The following INTS13 variants were observed in gnomAD, a reference collection of about 807,000 sequenced individuals.
The protein encoded by INTS13 is integrator complex subunit 13.
In INTS13, 35 loss-of-function variants were observed where a neutral mutation model predicts 90.2. The observed-to-expected ratio is 0.39, with a 90% CI of 0.30 to 0.51. The LOEUF (loss-of-function observed/expected upper bound fraction) is 0.51. Among genes scored for constraint, INTS13 ranks in the 20% least tolerant of loss-of-function variants. INTS13 has a pLI of 0.80. For synonymous variants in INTS13, 309 were observed against 277.1 expected, an observed-to-expected ratio of 1.11 and a Z score of -1.14; for missense variants, 601 against 851.2, an observed-to-expected ratio of 0.71 and a Z score of 3.66.
intron 2 of INTS13, among the ~76,000 whole-genome samples, chr12:26,935,253 T>C (rs949030690): frequency 1.3e-5 from 2 of 152,150 alleles, no homozygotes; most frequent in Non-Finnish European, 2.9e-5. Context: ...AATTTGAAAA[T>C]TTAAAATTAC....
rs369292914 is a variant in INTS13 at position 26,936,906 on chromosome 12, A to C, written c.-11-92T>G. The C allele has an allele frequency of 1.1e-5, 9 of 812,104 alleles. 1 individual carries two copies. Among genetic ancestry groups the C allele is most frequent in the African/African-American group, 8.6e-5 (5 of 58,184 alleles). 50.3% of individuals were successfully genotyped at this position (812,104 alleles called of 1,614,324 possible). On this transcript the variant is annotated intron_variant, in intron 1 of 16. Coordinates refer to ENST00000261191, the MANE Select transcript of INTS13 (RefSeq NM_018164.3). Reference sequence around the variant, plus strand: ...CAAGAAGATTGTCTTTCCCTCAAGAAGACTTGGTAGGGAACATGAATAATA... The same window carrying C: ...CAAGAAGATTGTCTTTCCCTCAAGACGACTTGGTAGGGAACATGAATAATA...
At chr12:26,923,697 C>G (rs1345436263) in intron 7 of INTS13, among the ~76,000 whole-genome samples, 1 of 152,118 alleles carries the variant, frequency 6.6e-6, no homozygotes, top group African/African-American at 2.4e-5. Flanking sequence ...CCAGTAAAAT[C>G]ACAGAGCTCA....
Position 26,925,854 on chromosome 12 carries a change from T to G in INTS13, c.585-3A>C. On this transcript the variant is annotated splice_polypyrimidine_tract_variant and splice_region_variant and intron_variant, in intron 5 of 16. Transcript: ENST00000261191. Reference sequence around the variant, plus strand: ...CACATTTTTGAATCTGCATGAGACTTAAAGAGAAATTTTTGACTTAAAATT... The same window carrying G: ...CACATTTTTGAATCTGCATGAGACTGAAAGAGAAATTTTTGACTTAAAATT... 1 of 1,608,262 alleles carries G rather than the reference T, an allele frequency of 6.2e-7. No individual in the cohort carries two copies. The highest frequency in any genetic ancestry group is 1.1e-5 in the South Asian group (1 of 90,508).
intron 15 of INTS13, among the ~76,000 whole-genome samples, chr12:26,908,282 G>A (rs1013488811): frequency 2.6e-5 from 4 of 152,264 alleles, no homozygotes; most frequent in African/African-American, 9.6e-5. Flanking sequence ...AGACTGTTGT[G>A]TACCCTGATT....
chr12:26,924,298 C>A, intron 7 of INTS13, 57 bp downstream of exon 7: 1 of 1,582,868 alleles, frequency 6.3e-7, no homozygotes, highest in Non-Finnish European at 8.6e-7. Flanking sequence ...TGGCCTCAAA[C>A]AAATATTTAA....
intron 15 of INTS13, among the ~76,000 whole-genome samples, chr12:26,906,876 C>T (rs561448456): frequency 1.3e-5 from 2 of 152,312 alleles, no homozygotes; most frequent in African/African-American, 4.8e-5. Flanking sequence ...CACATGTGCA[C>T]AATATTTCTG....
rs749012717 is a variant in INTS13, at chr12:26,917,448, T to C, written c.980-7A>G. On this transcript the variant is annotated splice_region_variant and splice_polypyrimidine_tract_variant and intron_variant, in intron 9 of 16. Transcript: ENST00000261191. ...CCAGTACAATAGTGTAATTCTGAAA[T>C]AGAAGAAAACACTGATTTGAAAGAA... The C allele has an allele frequency of 4.1e-6, 6 of 1,467,442 alleles. No individual in the cohort carries two copies. The highest frequency in any genetic ancestry group is 2.3e-5 in the East Asian group (1 of 44,112). The allele number at this position is 1,467,442 out of a possible 1,614,324, so 90.9% of individuals were successfully genotyped here. A position where few individuals can be genotyped will look rare whatever the true frequency, so the allele number is the denominator to read the frequency against.
At chr12:26,907,895 G>A (rs1308288523) in intron 15 of INTS13, among the ~76,000 whole-genome samples, 1 of 152,042 alleles carries the variant, frequency 6.6e-6, no homozygotes, top group Non-Finnish European at 1.5e-5. Flanking sequence ...ATACCTTATA[G>A]GATGAAAAAC....
At chr12:26,932,101 A>AC (rs1555208505) in intron 3 of INTS13, among the ~76,000 whole-genome samples, 1 of 151,748 alleles carries the variant, frequency 6.6e-6, no homozygotes, top group African/African-American at 2.4e-5. Context: ...AAAAAAAAAA[A>AC]AAAACACTCA....
intron 1 of INTS13, among the ~76,000 whole-genome samples, chr12:26,937,174 C>T (rs575232630): frequency 1.4e-4 from 21 of 152,222 alleles, no homozygotes; most frequent in Middle Eastern, 3.2e-3. Context: ...TGAAATACAA[C>T]TTTATGATCC....
chr12:26,923,086 C>G (rs1292280784), intron 7 of INTS13, among the ~76,000 whole-genome samples: 1 of 151,926 alleles, frequency 6.6e-6, no homozygotes, highest in African/African-American at 2.4e-5. Context: ...GAGGAAATAG[C>G]ATCTTTAAAT....
chr12:26,934,753 T>C, intron 2 of INTS13, 123 bp from the exon 3 acceptor site: 1 of 798,270 alleles, frequency 1.3e-6, no homozygotes, highest in South Asian at 1.6e-5. Flanking sequence ...CTTTTTATAG[T>C]TACAGAATGT....
At chr12:26,926,726 G>C (rs1937896184) in intron 5 of INTS13, among the ~76,000 whole-genome samples, 3 of 152,138 alleles carry the variant, frequency 2.0e-5, no homozygotes, top group African/African-American at 7.2e-5. Flanking sequence ...CTAATATTTG[G>C]TTTCTGACCC....
At chr12:26,906,262 G>A (rs771043579) in intron 16 of INTS13, 40 bp downstream of exon 16, 1 of 1,559,614 alleles carries the variant, frequency 6.4e-7, no homozygotes, top group Admixed American at 1.9e-5. Flanking sequence ...TACTATACAG[G>A]CAATTGACAA....
rs1951977787 is a variant in INTS13 at position 26,917,683 on chromosome 12, T to C, written c.940A>G (p.Ile314Val). Residue 314 changes from isoleucine (I) to valine (V), a missense_variant, in exon 9 of 17, where the codon ATA becomes GTA. Coordinates refer to ENST00000261191, the MANE Select transcript of INTS13 (RefSeq NM_018164.3). ...GSREGSFKETITLKWCTPRTN... is the reference protein window; with the variant it reads ...GSREGSFKETVTLKWCTPRTN... ...CTTGGTGTACACCACTTTAATGTTA[T>C]TGTTTCTTTAAACGAGCCTTCTCGA... is the stretch of plus-strand genomic sequence containing the variant. 3.7e-6 allele frequency: 6 copies of C among 1,613,994 alleles called. No homozygotes were observed. The highest frequency in any genetic ancestry group is 1.3e-5 in the African/African-American group (1 of 74,934).
chr12:26,928,168 C>T (rs780722602), intron 5 of INTS13, 37 bp downstream of exon 5: 11 of 1,433,940 alleles, frequency 7.7e-6, no homozygotes, highest in Admixed American at 6.7e-5. Context: ...TATCTATCCA[C>T]ATGAACATAT....
At chr12:26,917,122 A>G (rs997759093) in intron 10 of INTS13, among the ~76,000 whole-genome samples, 1 of 152,130 alleles carries the variant, frequency 6.6e-6, no homozygotes, top group Non-Finnish European at 1.5e-5. Flanking sequence ...AATAGCCTGA[A>G]AGCCAAACCT....
intron 15 of INTS13, among the ~76,000 whole-genome samples, chr12:26,908,372 C>A (rs1424549756): frequency 1.3e-5 from 2 of 152,060 alleles, no homozygotes; most frequent in Non-Finnish European, 2.9e-5. Context: ...TTTTAAAATT[C>A]TTAGTTTTCT....
In INTS13 at chr12:26,914,100, T is replaced by C. The variant is rs763180924; in HGVS notation, c.1448A>G (p.Lys483Arg). 3 of 1,606,668 alleles carry C rather than the reference T, an allele frequency of 1.9e-6. No individual in the cohort carries two copies. Among genetic ancestry groups the C allele is most frequent in the South Asian group, 1.1e-5 (1 of 89,042 alleles). The change falls in exon 13 of 17, where the codon AAA becomes AGA. Residue 483 changes from lysine (K) to arginine (R), a missense_variant. Lys to Arg is a conservative substitution (Grantham distance 26, BLOSUM62 2). This residue lies in a region of INTS13 where 228 missense variants were observed against 272.5 expected (regional missense o/e 0.84). Transcript: ENST00000261191. ...CACATCTTCTTCTGTCAGAGATTCT[T>C]TCACAATAACACTGGCTAATGGAAC... The part of the protein sequence containing the change: ...AVVPLASVIV[K>R]ESLTEEDVLN...
Sources: gnomAD v4.1 joint callset for allele counts (sites outside exome capture counted in the v4.1 genomes callset) on GRCh38, gnomAD v4.1.1 for gene constraint, gnomAD v4.1.1 regional missense constraint, MANE v1.5 for transcripts, NCBI Gene and HGNC (gene_info 2026-07-23, HGNC 2026-07-21) for gene names.